ZNF577: variants seen among roughly 807,000 people sequenced by gnomAD.
The protein encoded by ZNF577 is zinc finger protein 577.
In ZNF577, 14 loss-of-function variants were observed where a neutral mutation model predicts 13.9. That is an observed-to-expected ratio of 1.00 (90% CI 0.66 to 1.57). The LOEUF (loss-of-function observed/expected upper bound fraction) is 1.57. Among genes scored for constraint, ZNF577 ranks in the 40% most tolerant of loss-of-function variants. ZNF577 has a pLI of 0.00. For missense variants in ZNF577, 555 were observed against 579.2 expected, an observed-to-expected ratio of 0.96 and a Z score of 0.43; for synonymous variants, 203 against 202.9, an observed-to-expected ratio of 1.00 and a Z score of 0.00.
chr19:51,847,815 C>A (rs766073586), intron 5 of ZNF577, among the ~76,000 whole-genome samples: 1 of 152,156 alleles, frequency 6.6e-6, no homozygotes, highest in Admixed American at 6.5e-5. Flanking sequence ...ACAGGAGTCC[C>A]GTGAATTTAC....
At chr19:51,855,225 C>T (rs1054708778) in intron 5 of ZNF577, among the ~76,000 whole-genome samples, 4 of 152,082 alleles carry the variant, frequency 2.6e-5, no homozygotes, top group African/African-American at 9.7e-5. Flanking sequence ...ATTGTTGTTG[C>T]AGTTTGTTCA....
At position 51,875,763 on chromosome 19, in the gene ZNF577, G is replaced by T. The variant is rs1275825503; in HGVS notation, c.283+1519C>A. Among the ~76,000 whole-genome samples, 3 of 152,328 alleles carry T rather than the reference G, an allele frequency of 2.0e-5. No individual in the cohort carries two copies. In the East Asian group the frequency reaches 5.8e-4, roughly 29 times the overall value. On this transcript the variant is annotated intron_variant, in intron 5 of 5. Transcript: ENST00000638348. Reference sequence around the variant, plus strand: ...GCTTTGATGGCCCCTGCCCAGAGGGGAATGAAGCCATCACATCAAATGGAA... The same window carrying T: ...GCTTTGATGGCCCCTGCCCAGAGGGTAATGAAGCCATCACATCAAATGGAA...
At chr19:51,863,521 G>A (rs896818070), downstream of ZNF577, among the ~76,000 whole-genome samples, 5 of 152,030 alleles carry the variant, frequency 3.3e-5, no homozygotes, top group African/African-American at 1.2e-4. Context: ...TACACACTTG[G>A]GTTTTAGGGT....
At position 51,879,531 on chromosome 19, in the gene ZNF577, T is replaced by C. The variant is rs1295949723; in HGVS notation, c.60+792A>G. On this transcript the variant is annotated intron_variant, in intron 3 of 5. Coordinates refer to ENST00000638348, the MANE Select transcript of ZNF577 (RefSeq NM_001370449.1). ...TTGCAGTGAGCCAAGATTGCGCCAC[T>C]GCACTCCAGCTCTGGGCGACACAGC... Among the ~76,000 whole-genome samples, 3 of 152,124 alleles carry C rather than the reference T, an allele frequency of 2.0e-5. No homozygotes were observed. In the East Asian group the frequency reaches 5.8e-4, roughly 29 times the overall value.
rs141002989 is a variant in ZNF577 at position 51,878,478 on chromosome 19, G to A, written c.98C>T (p.Thr33Ile). ...LSFEDVAVGF[T>I]REEWQFLDQS... ...GTCCAAAAACTGCCACTCCTCCCTG[G>A]TGAAGCCCACAGCCACATCTTCGAA... Residue 33 changes from threonine (T) to isoleucine (I), a missense_variant, in exon 4 of 6, where the codon ACC becomes ATC. By Grantham distance (89) the Thr-to-Ile change is moderately conservative. Coordinates refer to ENST00000638348, the MANE Select transcript of ZNF577 (RefSeq NM_001370449.1). 311 of 1,614,000 alleles carry A rather than the reference G, an allele frequency of 1.9e-4. No individual in the cohort carries two copies. In the Middle Eastern group the frequency reaches 2.6e-3, roughly 14 times the overall value.
At chr19:51,857,398 GAA>G (rs1056613843) in intron 5 of ZNF577, among the ~76,000 whole-genome samples, 1 of 121,372 alleles carries the variant, frequency 8.2e-6, no homozygotes, top group African/African-American at 3.8e-5. Context: ...AAGAAAGAAA[GAA>G]AGAAAGAAAG....
intron 9 of ZNF577, among the ~76,000 whole-genome samples, chr19:51,835,740 T>G (rs1907380118): frequency 6.6e-6 from 1 of 152,220 alleles, no homozygotes; most frequent in Non-Finnish European, 1.5e-5. Context: ...TTCCCCAGGC[T>G]GGAGTGCAAT....
At chr19:51,856,267 G>A (rs866991173) in intron 5 of ZNF577, among the ~76,000 whole-genome samples, 11 of 152,280 alleles carry the variant, frequency 7.2e-5, no homozygotes, top group Non-Finnish European at 1.3e-4. Context: ...GTCTTCTAAT[G>A]ATTAAATGGT....
At chr19:51,858,113 C>A (rs10401521) in intron 5 of ZNF577, among the ~76,000 whole-genome samples, 1,899 of 152,294 alleles carry the variant, frequency 0.012, 41 homozygotes, top group African/African-American at 0.044. Context: ...ACTAGCTGCA[C>A]CCAACATGGT....
chr19:51,845,388 C>T (rs993534812), intron 5 of ZNF577, among the ~76,000 whole-genome samples: 7 of 151,948 alleles, frequency 4.6e-5, no homozygotes, highest in Non-Finnish European at 8.8e-5. Context: ...ACCCGGGAGG[C>T]TGAGGCAGGA....
At chr19:51,877,110 T>C (rs1373046506) in intron 5 of ZNF577, among the ~76,000 whole-genome samples, 172 bp downstream of exon 5, 1 of 152,180 alleles carries the variant, frequency 6.6e-6, no homozygotes, top group Non-Finnish European at 1.5e-5. Flanking sequence ...CATTATCCTT[T>C]GAGAGCCGGC....
chr19:51,852,923 GTTTTC>G (rs1226500300), intron 5 of ZNF577, among the ~76,000 whole-genome samples: 7 of 137,502 alleles, frequency 5.1e-5, no homozygotes, highest in African/African-American at 6.0e-5. Context: ...TTAAAAGACA[GTTTTC>G]TTTTCTTTTT....
intron 9 of ZNF577, among the ~76,000 whole-genome samples, chr19:51,819,811 T>C (rs949527299): frequency 2.6e-5 from 4 of 152,160 alleles, no homozygotes; most frequent in African/African-American, 7.2e-5. Context: ...TGGGCCAAGA[T>C]TGGTTTCTTT....
chr19:51,851,403 T>C lies in ZNF577; in HGVS notation c.284-6472A>G, dbSNP rs1052234113. 7.9e-5 allele frequency among the ~76,000 whole-genome samples: 12 copies of C among 152,286 alleles called. No homozygotes were observed. The East Asian group carries it at 2.3e-3, about 29-fold the overall frequency. The stretch of plus-strand genomic sequence containing the variant: ...AGCTCAGTAGGAAAAAAAGTACAGA[T>C]ACACACATACAAATATACATTAAGT... On this transcript the variant is annotated intron_variant and NMD_transcript_variant, in intron 5 of 10. Coordinates refer to the ZNF577 transcript ENST00000638827.
chr19:51,805,697 T>G (rs1171659227), intron 10 of ZNF577, among the ~76,000 whole-genome samples: 1 of 152,220 alleles, frequency 6.6e-6, no homozygotes, highest in Non-Finnish European at 1.5e-5. Context: ...CTTGGTTGGC[T>G]GTACGTGTCC....
intron 5 of ZNF577, among the ~76,000 whole-genome samples, chr19:51,853,094 AC>A (rs2084387787): frequency 6.6e-6 from 1 of 151,924 alleles, no homozygotes; most frequent in Non-Finnish European, 1.5e-5. Context: ...AGGCCGCCCC[AC>A]CCAGCTAATT....
At chr19:51,844,674 T>C (rs959595720) in intron 6 of ZNF577, 2 of 152,190 alleles carry the variant, frequency 1.3e-5, no homozygotes, top group Non-Finnish European at 2.9e-5. Flanking sequence ...CCAGCCAGAG[T>C]GTACTTATAT....
At chr19:51,835,578 T>C (rs865936755) in intron 9 of ZNF577, among the ~76,000 whole-genome samples, 4 of 152,236 alleles carry the variant, frequency 2.6e-5, no homozygotes, top group Non-Finnish European at 4.4e-5. Context: ...AAAATTGTGC[T>C]TGAAGAATAA....
intron 5 of ZNF577, among the ~76,000 whole-genome samples, chr19:51,874,386 G>A (rs911884153): frequency 2.0e-5 from 3 of 151,840 alleles, no homozygotes; most frequent in Non-Finnish European, 4.4e-5. Context: ...ACATCATAGG[G>A]TAAGAAAAAG....
Sources: gnomAD v4.1 joint callset for allele counts (sites outside exome capture counted in the v4.1 genomes callset) on GRCh38, gnomAD v4.1.1 for gene constraint, MANE v1.5 for transcripts, NCBI Gene and HGNC (gene_info 2026-07-23, HGNC 2026-07-21) for gene names.